FUT9: variants seen among roughly 807,000 people sequenced by gnomAD.
FUT9 encodes the protein 4-galactosyl-N-acetylglucosaminide 3-alpha-L-fucosyltransferase 9.
A neutral mutation model predicts 29.7 loss-of-function variants in FUT9; 15 were observed. The ratio of observed to expected loss-of-function variants is 0.51; its 90% CI spans 0.34 to 0.78. The LOEUF is 0.78. Among genes scored for constraint, FUT9 ranks in the 30% least tolerant of loss-of-function variants. The pLI is 0.01. For missense variants in FUT9, 319 were observed against 425.4 expected, an observed-to-expected ratio of 0.75 and a Z score of 2.20; for synonymous variants, 169 against 153.7, an observed-to-expected ratio of 1.10 and a Z score of -0.74.
Position 96,116,009 on chromosome 6 carries a change from AAAAG to A in FUT9, c.-9+1885_-9+1888del, listed in dbSNP as rs561650607. Among the ~76,000 whole-genome samples, 22 of 152,322 alleles carry A rather than the reference AAAAG, an allele frequency of 1.4e-4. No individual in the cohort carries two copies. The South Asian group carries it at 4.6e-3, about 32-fold the overall frequency. The stretch of plus-strand genomic sequence containing the variant: ...AAATTGTTCCATCAAACACATTCTT[AAAAG>A]AATGAAAATATAGGCATCAGACTTG... On this transcript the variant is annotated intron_variant, in intron 2 of 2. Transcript: ENST00000302103.
At chr6:96,059,219 A>G (rs1335139021) in intron 1 of FUT9, among the ~76,000 whole-genome samples, 1 of 152,178 alleles carries the variant, frequency 6.6e-6, no homozygotes. Context: ...TTTCTGCTAA[A>G]TGGAGTATAG....
Position 96,213,606 on chromosome 6 carries a change from G to A in FUT9, c.*9371G>A, listed in dbSNP as rs1773980756. ...ATTTAATTGCATTGTGCTAATAGTT[G>A]TTTATTGCTATTAACTTTCTGTGTA... On this transcript the variant is annotated 3_prime_UTR_variant, in exon 3 of 3. Coordinates refer to ENST00000302103, the MANE Select transcript of FUT9 (RefSeq NM_006581.4). 1 of 166,774 alleles carries A rather than the reference G, an allele frequency of 6.0e-6. No homozygotes were observed. Among genetic ancestry groups the A allele is most frequent in the South Asian group, 2.1e-4 (1 of 4,834 alleles). The allele number at this position is 166,774 out of a possible 1,614,324, so 10.3% of individuals were successfully genotyped here.
chr6:96,152,220 T>C (rs1772690257), intron 2 of FUT9, among the ~76,000 whole-genome samples: 1 of 152,198 alleles, frequency 6.6e-6, no homozygotes. Flanking sequence ...TTTTTACCTA[T>C]TACACGCTGT....
At chr6:96,157,856 G>T (rs12195961) in intron 2 of FUT9, among the ~76,000 whole-genome samples, 24,097 of 151,652 alleles carry the variant, frequency 0.16, 2,117 homozygotes, top group African/African-American at 0.19. Context: ...ACTCCTGTCT[G>T]TTCTTTAGAG....
intron 1 of FUT9, among the ~76,000 whole-genome samples, chr6:96,085,131 C>A (rs375745569): frequency 2.0e-5 from 3 of 152,216 alleles, no homozygotes; most frequent in African/African-American, 7.2e-5. Context: ...AGTGTATAAG[C>A]AAACATTAGA....
At chr6:96,167,876 C>A (rs1773042243) in intron 2 of FUT9, among the ~76,000 whole-genome samples, 1 of 151,996 alleles carries the variant, frequency 6.6e-6, no homozygotes, top group Non-Finnish European at 1.5e-5. Context: ...GCCACTGTGG[C>A]CATAAACGAG....
intron 1 of FUT9, among the ~76,000 whole-genome samples, chr6:96,033,042 G>A (rs1770291625): frequency 1.3e-5 from 2 of 151,506 alleles, no homozygotes; most frequent in Admixed American, 6.6e-5. Flanking sequence ...AACAATCCAC[G>A]CTATTAAGAA....
intron 1 of FUT9, among the ~76,000 whole-genome samples, chr6:96,083,600 C>G (rs1420842331): frequency 6.6e-6 from 1 of 152,018 alleles, no homozygotes; most frequent in Non-Finnish European, 1.5e-5. Context: ...TAAACCCCTT[C>G]AGCAGCTGGC....
intron 1 of FUT9, among the ~76,000 whole-genome samples, chr6:96,044,729 T>C (rs1255912097): frequency 6.6e-6 from 1 of 152,206 alleles, no homozygotes; most frequent in Non-Finnish European, 1.5e-5. Flanking sequence ...AAATTATTTT[T>C]TATAAATACT....
chr6:96,064,221 T>C (rs1337163176), intron 1 of FUT9, among the ~76,000 whole-genome samples: 1 of 152,194 alleles, frequency 6.6e-6, no homozygotes, highest in East Asian at 1.9e-4. Flanking sequence ...ATTAATGTTA[T>C]TACCATGGTA....
chr6:96,110,129 T>C (rs1771770510), intron 1 of FUT9, among the ~76,000 whole-genome samples: 2 of 152,154 alleles, frequency 1.3e-5, no homozygotes. Context: ...AGTGGGCCTT[T>C]CCATCAGGTG....
At chr6:96,200,980 T>C (rs1336320347) in intron 2 of FUT9, among the ~76,000 whole-genome samples, 3 of 152,020 alleles carry the variant, frequency 2.0e-5, no homozygotes, top group Non-Finnish European at 4.4e-5. Context: ...CAAATGACTT[T>C]TTTTTTTTAA....
intron 2 of FUT9, among the ~76,000 whole-genome samples, chr6:96,123,904 T>G (rs937844180): frequency 6.6e-6 from 1 of 151,760 alleles, no homozygotes; most frequent in Admixed American, 6.6e-5. Flanking sequence ...AATGCAATCT[T>G]CTGCTTGAGA....
intron 2 of FUT9, among the ~76,000 whole-genome samples, chr6:96,118,074 G>T (rs1018890622): frequency 2.0e-5 from 3 of 151,894 alleles, no homozygotes; most frequent in African/African-American, 7.3e-5. Context: ...GTGTGGTGGT[G>T]CACACCTGTA....
chr6:96,044,613 C>T (rs1022001074), intron 1 of FUT9, among the ~76,000 whole-genome samples: 1 of 152,174 alleles, frequency 6.6e-6, no homozygotes, highest in Non-Finnish European at 1.5e-5. Flanking sequence ...AGACTAGAAA[C>T]TGGAATCTTG....
intron 2 of FUT9, among the ~76,000 whole-genome samples, chr6:96,122,030 T>C (rs1412773927): frequency 6.6e-6 from 1 of 151,982 alleles, no homozygotes; most frequent in East Asian, 1.9e-4. Context: ...ATGCGCTGGG[T>C]AGCCAAGAGA....
chr6:96,160,922 A>C (rs1772888204), intron 2 of FUT9, among the ~76,000 whole-genome samples: 1 of 152,198 alleles, frequency 6.6e-6, no homozygotes, highest in Non-Finnish European at 1.5e-5. Flanking sequence ...GACAGAAATA[A>C]TGAAAGACAA....
intron 2 of FUT9, among the ~76,000 whole-genome samples, chr6:96,177,581 A>G (rs1358873590): frequency 6.6e-6 from 1 of 152,134 alleles, no homozygotes; most frequent in African/African-American, 2.4e-5. Flanking sequence ...CAGGAAGTTA[A>G]CTCCTGGTAA....
intron 2 of FUT9, among the ~76,000 whole-genome samples, chr6:96,180,490 G>A (rs939877130): frequency 7.2e-5 from 11 of 152,228 alleles, no homozygotes; most frequent in African/African-American, 2.6e-4. Context: ...TTAAATGTAA[G>A]TGAAGGGTTT....
Sources: gnomAD v4.1 joint callset for allele counts (sites outside exome capture counted in the v4.1 genomes callset) on GRCh38, gnomAD v4.1.1 for gene constraint, MANE v1.5 for transcripts, NCBI Gene and HGNC (gene_info 2026-07-23, HGNC 2026-07-21) for gene names.